The following NALF1 variants were observed in gnomAD, a reference collection of about 807,000 sequenced individuals.
NALF1 encodes the protein NALCN channel auxiliary factor 1.
NALF1 carries 3 observed loss-of-function variants against 48.4 expected under a neutral mutation model. That is an observed-to-expected ratio of 0.06 (90% confidence interval 0.03 to 0.16). The LOEUF is 0.16. Ranked by LOEUF, NALF1 falls within the 10% of genes least tolerant of loss-of-function variation. The pLI, the probability that NALF1 is intolerant of heterozygous loss-of-function variation, is 1.00. For missense variants in NALF1, 526 were observed against 571.5 expected (o/e 0.92, Z 0.81); for synonymous variants, 262 against 245.7 (o/e 1.07, Z -0.62).
intron 1 of NALF1, among the ~76,000 whole-genome samples, chr13:107,805,993 CTAAA>C (rs1377205167): frequency 6.6e-6 from 1 of 152,108 alleles, no homozygotes; most frequent in East Asian, 1.9e-4. Flanking sequence ...ATTCATAGTT[CTAAA>C]TAAGATTTTG....
intron 1 of NALF1, among the ~76,000 whole-genome samples, chr13:107,539,420 T>G (rs1876935035): frequency 6.7e-6 from 1 of 149,990 alleles, no homozygotes; most frequent in Non-Finnish European, 1.5e-5. Flanking sequence ...TGTGAGTCAA[T>G]CACCTCTTAT....
intron 1 of NALF1, among the ~76,000 whole-genome samples, chr13:107,509,542 G>A (rs924542432): frequency 1.3e-5 from 2 of 152,032 alleles, no homozygotes; most frequent in African/African-American, 4.8e-5. Flanking sequence ...TTGAGCTGTA[G>A]GTACTTCACA....
At chr13:107,764,246 C>T (rs575330656) in intron 1 of NALF1, among the ~76,000 whole-genome samples, 2 of 151,992 alleles carry the variant, frequency 1.3e-5, no homozygotes, top group South Asian at 4.2e-4. Context: ...TATGATGTTG[C>T]ATAATGTTTT....
intron 1 of NALF1, among the ~76,000 whole-genome samples, chr13:107,757,415 C>CTTTTTT (rs3074821): frequency 5.6e-5 from 6 of 107,924 alleles, no homozygotes; most frequent in East Asian, 2.8e-4. Flanking sequence ...GCCCTCATTT[C>CTTTTTT]TTTTTTTTTT....
chr13:107,646,359 T>C (rs1050648229), intron 1 of NALF1, among the ~76,000 whole-genome samples: 6 of 151,196 alleles, frequency 4.0e-5, no homozygotes, highest in African/African-American at 1.5e-4. Flanking sequence ...CCTAACATAA[T>C]AACAGTAGTA....
At chr13:107,207,961 T>G (rs571119924) in intron 2 of NALF1, among the ~76,000 whole-genome samples, 3 of 152,182 alleles carry the variant, frequency 2.0e-5, no homozygotes, top group Non-Finnish European at 2.9e-5. Flanking sequence ...GCCTCAGCAG[T>G]GCACTCTTAA....
At chr13:107,420,309 T>C (rs892134895) in intron 1 of NALF1, among the ~76,000 whole-genome samples, 17 of 152,220 alleles carry the variant, frequency 1.1e-4, no homozygotes, top group Non-Finnish European at 4.4e-5. Context: ...TCTTCTAGTA[T>C]AAAACTTCTC....
chr13:107,360,521 T>C (rs1171666632), intron 1 of NALF1, among the ~76,000 whole-genome samples: 7 of 152,052 alleles, frequency 4.6e-5, no homozygotes, highest in Non-Finnish European at 8.8e-5. Flanking sequence ...AAAAAGAAAA[T>C]AGAATAATAA....
Position 107,260,379 on chromosome 13 carries a change from C to T in NALF1, c.916-49624G>A, listed in dbSNP as rs567097133. Among the ~76,000 whole-genome samples, 4 of 152,262 alleles carry T rather than the reference C, an allele frequency of 2.6e-5. No individual in the cohort carries two copies. The South Asian group carries it at 8.3e-4, about 32-fold the overall frequency. On this transcript the variant is annotated intron_variant, in intron 1 of 2. Coordinates refer to ENST00000375915, the MANE Select transcript of NALF1 (RefSeq NM_001080396.3). ...GCCATCATTTGTAACACAGACCCTG[C>T]ATGTTGGAAATACAGTACTGTCACA... is the stretch of plus-strand genomic sequence containing the variant.
chr13:107,402,917 T>C (rs79756988), intron 1 of NALF1, among the ~76,000 whole-genome samples: 1 of 152,156 alleles, frequency 6.6e-6, no homozygotes, highest in African/African-American at 2.4e-5. Context: ...GTAGCCACTC[T>C]GTCATTCTAC....
chr13:107,453,327 G>A (rs1363981644), intron 1 of NALF1, among the ~76,000 whole-genome samples: 1 of 152,196 alleles, frequency 6.6e-6, no homozygotes, highest in Non-Finnish European at 1.5e-5. Context: ...TATATCCCTG[G>A]AAATCTAGGC....
rs182267151 is a variant in NALF1, at chr13:107,244,769, T to C, written c.916-34014A>G. ...GGTATATGAGAAACCATTTTACACA[T>C]TGTAAAACTATTTCCAAGGGTAAGT... is the stretch of plus-strand genomic sequence containing the variant. On this transcript the variant is annotated intron_variant, in intron 1 of 2. Transcript: ENST00000375915. Among the ~76,000 whole-genome samples, 9 of 152,312 alleles carry C rather than the reference T, an allele frequency of 5.9e-5. No homozygotes were observed. In the East Asian group the frequency reaches 7.7e-4, roughly 13 times the overall value.
At chr13:107,523,367 T>TTTTTTAA (rs577518153) in intron 1 of NALF1, among the ~76,000 whole-genome samples, 147 of 152,204 alleles carry the variant, frequency 9.7e-4, no homozygotes, top group Non-Finnish European at 1.8e-3. Context: ...ATAAGAAATT[T>TTTTTTAA]TTTTTAATTT....
chr13:107,415,613 A>AT (rs1363980539), intron 1 of NALF1, among the ~76,000 whole-genome samples: 10 of 152,330 alleles, frequency 6.6e-5, no homozygotes, highest in African/African-American at 2.4e-4. Flanking sequence ...GCCCAGAATA[A>AT]TTATTGCTGC....
At chr13:107,602,696 G>T (rs1878962540) in intron 1 of NALF1, among the ~76,000 whole-genome samples, 2 of 152,210 alleles carry the variant, frequency 1.3e-5, no homozygotes, top group Non-Finnish European at 1.5e-5. Flanking sequence ...TTCTATAAAA[G>T]GTTTAATTCA....
chr13:107,247,084 A>G (rs999986542), intron 1 of NALF1, among the ~76,000 whole-genome samples: 8 of 152,140 alleles, frequency 5.3e-5, no homozygotes, highest in African/African-American at 1.4e-4. Context: ...AATTCTTCTC[A>G]CCCAATTTGT....
At chr13:107,284,591 C>T (rs370280664) in intron 1 of NALF1, among the ~76,000 whole-genome samples, 1 of 151,764 alleles carries the variant, frequency 6.6e-6, no homozygotes, top group South Asian at 2.1e-4. Flanking sequence ...CCCTCAAATT[C>T]GTATGTTGAA....
intron 1 of NALF1, among the ~76,000 whole-genome samples, chr13:107,212,549 G>A (rs571845130): frequency 6.6e-6 from 1 of 151,354 alleles, no homozygotes; most frequent in African/African-American, 2.4e-5. Context: ...AGGTGGTGCC[G>A]GCAGCAAGAG....
intron 1 of NALF1, among the ~76,000 whole-genome samples, chr13:107,497,354 T>C (rs903719030): frequency 1.4e-4 from 21 of 152,336 alleles, no homozygotes; most frequent in Non-Finnish European, 1.9e-4. Flanking sequence ...TAGAACACTA[T>C]ATAATTTCTA....
Sources: allele counts gnomAD v4.1 joint callset (sites outside exome capture counted in the v4.1 genomes callset), GRCh38; gene constraint gnomAD v4.1.1; transcripts MANE v1.5; gene names NCBI Gene and HGNC (gene_info 2026-07-23, HGNC 2026-07-21).